Variants in BICD1 observed in about 807,000 individuals in gnomAD.
The protein encoded by BICD1 is protein bicaudal D homolog 1.
In BICD1, 35 loss-of-function variants were observed where a neutral mutation model predicts 92.5. The observed-to-expected ratio is 0.38, with a 90% CI of 0.29 to 0.50. The LOEUF is 0.50. Ranked by LOEUF, BICD1 falls within the 20% of genes least tolerant of loss-of-function variation. The pLI is 0.93. For synonymous variants in BICD1, 429 were observed against 465.1 expected (o/e 0.92, Z 1.00); for missense variants, 950 against 1,189.8 (o/e 0.80, Z 2.97).
intron 2 of BICD1, among the ~76,000 whole-genome samples, chr12:32,256,814 A>T (rs1206252244): frequency 1.3e-5 from 2 of 152,222 alleles, no homozygotes; most frequent in Admixed American, 6.6e-5. Context: ...ACAGATTCTC[A>T]TTCAATGTTA....
intron 2 of BICD1, among the ~76,000 whole-genome samples, chr12:32,287,905 G>A (rs1230808632): frequency 6.6e-6 from 1 of 152,198 alleles, no homozygotes. Context: ...CAGCCCCACT[G>A]GGCCAAATAG....
rs1937945542 is a variant in BICD1 at position 32,332,990 on chromosome 12, C to T, written c.2101-1526C>T. On this transcript the variant is annotated intron_variant, in intron 5 of 9. Coordinates refer to ENST00000652176, the MANE Select transcript of BICD1 (RefSeq NM_001714.4). ...GGAAAAACTTTGCACAGTCAATGGA[C>T]AAACAAATCTACAAACAAAACTGAG... 3.0e-6 allele frequency: 3 copies of T among 985,230 alleles called. No homozygotes were observed. In the South Asian group the frequency reaches 1.4e-4, roughly 46 times the overall value. The allele number at this position is 985,230 out of a possible 1,614,324, so 61.0% of individuals were successfully genotyped here.
At chr12:32,270,931 C>T (rs1406097835) in intron 2 of BICD1, among the ~76,000 whole-genome samples, 1 of 152,144 alleles carries the variant, frequency 6.6e-6, no homozygotes, top group African/African-American at 2.4e-5. Flanking sequence ...GAAGTGTGTT[C>T]AGTGGGGTCT....
intron 1 of BICD1, among the ~76,000 whole-genome samples, chr12:32,195,733 A>C (rs1262893338): frequency 6.6e-6 from 1 of 152,202 alleles, no homozygotes; most frequent in Non-Finnish European, 1.5e-5. Flanking sequence ...TTTTTTTGGA[A>C]ATGACAACAA....
intron 1 of BICD1, among the ~76,000 whole-genome samples, chr12:32,209,983 A>G (rs1945166207): frequency 1.3e-5 from 2 of 152,248 alleles, no homozygotes; most frequent in African/African-American, 2.4e-5. Context: ...GCATATTGGC[A>G]ACACAGATAC....
intron 1 of BICD1, among the ~76,000 whole-genome samples, chr12:32,211,856 G>T (rs1012629356): frequency 3.3e-5 from 5 of 152,172 alleles, no homozygotes; most frequent in Non-Finnish European, 7.3e-5. Flanking sequence ...GAGAGAGGCT[G>T]TCAGAACCTT....
At chr12:32,331,366 A>G (rs1029561998) in intron 5 of BICD1, among the ~76,000 whole-genome samples, 3 of 152,240 alleles carry the variant, frequency 2.0e-5, no homozygotes, top group Non-Finnish European at 4.4e-5. Flanking sequence ...AAACAGTACC[A>G]CAGGAAATCA....
At chr12:32,301,127 C>T (rs1044095753) in intron 3 of BICD1, among the ~76,000 whole-genome samples, 3 of 152,172 alleles carry the variant, frequency 2.0e-5, no homozygotes, top group Admixed American at 6.5e-5. Flanking sequence ...CCCAAGTCAC[C>T]TGCAAAGCAG....
intron 5 of BICD1, among the ~76,000 whole-genome samples, chr12:32,329,454 GA>G (rs1297151038): frequency 2.6e-5 from 4 of 151,896 alleles, no homozygotes; most frequent in Non-Finnish European, 5.9e-5. Context: ...AGAGAAACAA[GA>G]GCGCTAAATA....
In BICD1 at chr12:32,313,076, T is replaced by A. The variant is rs1948420441; in HGVS notation, c.1005+6954T>A. Among the ~76,000 whole-genome samples the A allele has an allele frequency of 1.3e-5, 2 of 151,892 alleles. No individual in the cohort carries two copies. The highest frequency in any genetic ancestry group is 2.9e-5 in the Non-Finnish European group (2 of 67,984). ...TTGATAAATAGCCTCTAACTTTACATCTGCATAGAGTCAAACTAAGCAGGG... is the reference window on the plus strand; with the variant it reads ...TTGATAAATAGCCTCTAACTTTACAACTGCATAGAGTCAAACTAAGCAGGG... On this transcript the variant is annotated intron_variant, in intron 4 of 9. Coordinates refer to ENST00000652176, the MANE Select transcript of BICD1 (RefSeq NM_001714.4). This position sits in a 1 kb window ranked among gnomAD's most constrained non-coding sequence, Gnocchi z 4.2.
Position 32,380,474 on chromosome 12 carries a change from T to C in BICD1, c.*2847T>C, listed in dbSNP as rs1940140440. 3 of 152,288 alleles carry C rather than the reference T, an allele frequency of 2.0e-5. No individual in the cohort carries two copies. The South Asian group carries it at 6.2e-4, about 32-fold the overall frequency. 9.4% of individuals were successfully genotyped at this position (152,288 alleles called of 1,614,324 possible). A position where few individuals can be genotyped will look rare whatever the true frequency, so the allele number is the denominator to read the frequency against. ...AGAGTGAGCAAAGATTAATGCTAAC[T>C]AGTAAAAGTAGTTAGCAAAGTAAAC... On this transcript the variant is annotated 3_prime_UTR_variant, in exon 10 of 10. Transcript: ENST00000652176.
intron 2 of BICD1, among the ~76,000 whole-genome samples, chr12:32,217,689 C>T (rs974507106): frequency 3.3e-5 from 5 of 152,298 alleles, no homozygotes; most frequent in South Asian, 2.1e-4. Context: ...TTCCCTCCAA[C>T]GTGAACAACT....
Position 32,117,249 on chromosome 12 carries a change from G to A in BICD1, c.213+9705G>A, listed in dbSNP as rs538458635. Among the ~76,000 whole-genome samples, 19 of 152,256 alleles carry A rather than the reference G, an allele frequency of 1.2e-4. No homozygotes were observed. The South Asian group carries it at 3.7e-3, about 30-fold the overall frequency. On this transcript the variant is annotated intron_variant, in intron 1 of 9. Transcript: ENST00000652176. ...CCTTAGGAAGGGGTATATCTAGAAT[G>A]ATCTCTAAGGTTCATTCTTATTCGG... is the stretch of plus-strand genomic sequence containing the variant.
Position 32,305,679 on chromosome 12 carries a change from T to C in BICD1, c.580-18T>C, listed in dbSNP as rs1486639348. On this transcript the variant is annotated intron_variant, in intron 3 of 9. Transcript: ENST00000652176. ...CACATTTTAGTTTTATGAATCTTCT[T>C]TATCCTGTCTGATTCAGGTTGAATA... is the stretch of plus-strand genomic sequence containing the variant. The C allele has an allele frequency of 6.3e-7, 1 of 1,583,040 alleles. No homozygotes were observed. The highest frequency in any genetic ancestry group is 1.8e-5 in the Admixed American group (1 of 55,002).
intron 1 of BICD1, among the ~76,000 whole-genome samples, chr12:32,180,372 G>T (rs1343462434): frequency 1.3e-5 from 2 of 151,786 alleles, no homozygotes; most frequent in Non-Finnish European, 2.9e-5. Context: ...CATCAAAAGG[G>T]GGACTCAGAG....
intron 3 of BICD1, among the ~76,000 whole-genome samples, chr12:32,301,276 T>TA (rs1311832656): frequency 6.6e-6 from 1 of 152,068 alleles, no homozygotes; most frequent in Non-Finnish European, 1.5e-5. Flanking sequence ...AGAGATAAAG[T>TA]AAAAAATGCA....
intron 2 of BICD1, among the ~76,000 whole-genome samples, chr12:32,273,830 A>G (rs1305048991): frequency 1.3e-5 from 2 of 152,222 alleles, no homozygotes; most frequent in African/African-American, 4.8e-5. Flanking sequence ...GGAAAAAGGA[A>G]AAAGAACTCT....
intron 1 of BICD1, among the ~76,000 whole-genome samples, chr12:32,117,752 A>T (rs946521930): frequency 8.6e-5 from 9 of 104,240 alleles, no homozygotes; most frequent in South Asian, 3.0e-4. Flanking sequence ...ATATATATAT[A>T]TATATATTTT....
intron 1 of BICD1, among the ~76,000 whole-genome samples, chr12:32,149,016 T>C (rs1943203066): frequency 6.0e-5 from 1 of 16,554 alleles, no homozygotes. Flanking sequence ...TGAGGCTCTG[T>C]CTCCAAAAAA....
Sources: allele counts gnomAD v4.1 joint callset (sites outside exome capture counted in the v4.1 genomes callset), GRCh38; gene constraint gnomAD v4.1.1; non-coding constraint Gnocchi (gnomAD v3.1); transcripts MANE v1.5; gene names NCBI Gene and HGNC (gene_info 2026-07-23, HGNC 2026-07-21).